Variants in AATF observed in about 807,000 individuals in gnomAD.
AATF encodes apoptosis antagonizing transcription factor, also known as protein AATF.
In AATF, 48 loss-of-function variants were observed where a neutral mutation model predicts 63.7. That is an observed-to-expected ratio of 0.75 (90% CI 0.60 to 0.96). The LOEUF (loss-of-function observed/expected upper bound fraction) is 0.96. AATF is among the 40% of genes least tolerant of loss of function. The probability of loss-of-function intolerance (pLI) is 0.00; values close to 1 mark genes in which losing one functional copy is unlikely to be tolerated. For synonymous variants in AATF, 258 were observed against 247.7 expected, an observed-to-expected ratio of 1.04 and a Z score of -0.39; for missense variants, 639 against 685.7, an observed-to-expected ratio of 0.93 and a Z score of 0.76.
chr17:37,017,987 GAAGA>G (rs768078642), intron 8 of AATF, among the ~76,000 whole-genome samples: 1 of 152,136 alleles, frequency 6.6e-6, no homozygotes, highest in Non-Finnish European at 1.5e-5. Flanking sequence ...TAATTTTTAT[GAAGA>G]AACAAGTTTT....
chr17:36,998,624 A>G (rs142105175), intron 8 of AATF: 2 of 152,354 alleles, frequency 1.3e-5, no homozygotes, highest in African/African-American at 4.8e-5. Flanking sequence ...ACAGTGGCTC[A>G]CATCTATGGT....
chr17:36,958,380 TG>T (rs1411867455), intron 4 of AATF, among the ~76,000 whole-genome samples: 4 of 152,144 alleles, frequency 2.6e-5, no homozygotes, highest in African/African-American at 9.7e-5. Context: ...TTGGCCAGGC[TG>T]GTCCTAAACT....
At chr17:36,982,879 ACTATTGGACTTTCTGT>A (rs1223674485) in intron 4 of AATF, among the ~76,000 whole-genome samples, 1 of 152,088 alleles carries the variant, frequency 6.6e-6, no homozygotes, top group East Asian at 1.9e-4. Context: ...CCTGGTAACT[ACTATTGGACTTTCTGT>A]CTCTATGAAT....
intron 8 of AATF, among the ~76,000 whole-genome samples, chr17:37,003,250 T>C (rs2071315836): frequency 6.6e-6 from 1 of 152,160 alleles, no homozygotes; most frequent in South Asian, 2.1e-4. Flanking sequence ...AGCAACTGGA[T>C]ATCCACATGC....
At chr17:36,979,108 G>A (rs2071101401) in intron 4 of AATF, among the ~76,000 whole-genome samples, 1 of 151,898 alleles carries the variant, frequency 6.6e-6, no homozygotes, top group Non-Finnish European at 1.5e-5. Flanking sequence ...TAGCAAGTCG[G>A]GCCTGAAATA....
At chr17:37,004,452 A>G (rs1306897586) in intron 8 of AATF, among the ~76,000 whole-genome samples, 1 of 152,162 alleles carries the variant, frequency 6.6e-6, no homozygotes, top group Non-Finnish European at 1.5e-5. Flanking sequence ...AGAGAGTTTT[A>G]AGATAGGAGA....
At chr17:37,046,744 C>G (rs1409037744) in intron 11 of AATF, among the ~76,000 whole-genome samples, 3 of 151,268 alleles carry the variant, frequency 2.0e-5, no homozygotes, top group African/African-American at 7.3e-5. Context: ...CACACACACA[C>G]ACACACACAC....
chr17:36,958,974 G>A (rs8067515), intron 4 of AATF, among the ~76,000 whole-genome samples: 5,778 of 151,438 alleles, frequency 0.038, 359 homozygotes, highest in African/African-American at 0.13. Flanking sequence ...ATGAAACCCC[G>A]TCTCTACTGA....
chr17:36,984,901 GT>G lies in AATF; in HGVS notation c.833-1698del, dbSNP rs34905004. Among the ~76,000 whole-genome samples, 706 of 130,044 alleles carry G rather than the reference GT, an allele frequency of 5.4e-3. 2 individuals carry two copies. The highest frequency in any genetic ancestry group is 0.017 in the African/African-American group (597 of 35,380). The allele number at this position is 130,044 out of a possible 152,430, so 85.3% of individuals were successfully genotyped here. On this transcript the variant is annotated intron_variant, in intron 4 of 11. Transcript: ENST00000619387. Reference sequence around the variant, plus strand: ...AATCATCCCGTCCTGGCCTCCCACAGTTTTTTTTTTTTTTTTTTGAGACAGA... The same window carrying G: ...AATCATCCCGTCCTGGCCTCCCACAGTTTTTTTTTTTTTTTTTGAGACAGA...
At position 36,988,761 on chromosome 17, in the gene AATF, G is replaced by A. The variant is rs367791507; in HGVS notation, c.1149+41G>A. On this transcript the variant is annotated intron_variant, in intron 6 of 11. Transcript: ENST00000619387. ...CGCGCATGTATGTGTAAGATAGGTTGTGGCAACTTGAAGAAGTTTTAAGAA... is the reference window on the plus strand; with the variant it reads ...CGCGCATGTATGTGTAAGATAGGTTATGGCAACTTGAAGAAGTTTTAAGAA... 1.5e-5 allele frequency: 24 copies of A among 1,581,098 alleles called. No individual in the cohort carries two copies. In the African/African-American group the frequency reaches 3.1e-4, roughly 21 times the overall value.
intron 10 of AATF, among the ~76,000 whole-genome samples, chr17:37,031,184 A>T (rs2071549065): frequency 6.7e-6 from 1 of 148,976 alleles, no homozygotes; most frequent in African/African-American, 2.6e-5. Context: ...TGGGGAAAGG[A>T]ATGTCTGTAC....
At chr17:36,957,741 C>T (rs1164960552) in intron 4 of AATF, among the ~76,000 whole-genome samples, 2 of 152,200 alleles carry the variant, frequency 1.3e-5, no homozygotes, top group East Asian at 1.9e-4. Context: ...AATTTCATTC[C>T]GTTTAGAATC....
intron 8 of AATF, among the ~76,000 whole-genome samples, chr17:37,001,288 C>T (rs1486421034): frequency 6.6e-6 from 1 of 150,664 alleles, no homozygotes; most frequent in Non-Finnish European, 1.5e-5. Context: ...GCACTGTACT[C>T]CAGCCTGGGC....
At chr17:37,024,057 A>G (rs1401370724) in intron 10 of AATF, among the ~76,000 whole-genome samples, 2 of 152,222 alleles carry the variant, frequency 1.3e-5, no homozygotes, top group African/African-American at 4.8e-5. Context: ...TATTCAATAT[A>G]GACACAATCA....
chr17:37,025,981 A>G (rs1341218392), intron 10 of AATF, among the ~76,000 whole-genome samples: 2 of 152,214 alleles, frequency 1.3e-5, no homozygotes, highest in Non-Finnish European at 2.9e-5. Flanking sequence ...ACCTTAACCA[A>G]GTGTTCAAGA....
In AATF at chr17:36,981,617, C is replaced by CTTCTTCT. The variant is rs1282817160; in HGVS notation, c.833-4987_833-4981dup. Among the ~76,000 whole-genome samples the CTTCTTCT allele has an allele frequency of 1.9e-4, 29 of 151,096 alleles. No homozygotes were observed. The South Asian group carries it at 2.7e-3, about 14-fold the overall frequency. On this transcript the variant is annotated intron_variant, in intron 4 of 11. Coordinates refer to ENST00000619387, the MANE Select transcript of AATF (RefSeq NM_012138.4). ...TGCCACCACGCCTGGCTGATTTCTT[C>CTTCTTCT]TTCTTCTTTCTTCTTTCTTTTTTCT...
intron 4 of AATF, among the ~76,000 whole-genome samples, chr17:36,972,373 G>C (rs1470296354): frequency 6.6e-6 from 1 of 152,176 alleles, no homozygotes; most frequent in Non-Finnish European, 1.5e-5. Context: ...TGAGATTCCA[G>C]GTTCTGGTTG....
Position 36,976,260 on chromosome 17 carries a change from T to A in AATF, c.833-10357T>A, listed in dbSNP as rs76741968. On this transcript the variant is annotated intron_variant, in intron 4 of 11. Coordinates refer to ENST00000619387, the MANE Select transcript of AATF (RefSeq NM_012138.4). ...ACTGTGCAATTGTTTTTTAAGCTTA[T>A]AGTAGTGTTTCAATTTCTGTATCTG... 4.5e-3 allele frequency among the ~76,000 whole-genome samples: 691 copies of A among 152,326 alleles called. 1 individual carries two copies. Among genetic ancestry groups the A allele is most frequent in the African/African-American group, 0.016 (653 of 41,588 alleles).
intron 4 of AATF, among the ~76,000 whole-genome samples, chr17:36,970,748 C>T (rs2071033105): frequency 6.6e-6 from 1 of 151,784 alleles, no homozygotes; most frequent in Non-Finnish European, 1.5e-5. Context: ...TGTTACGTTT[C>T]CCAGGCTGGT....
Sources: allele counts gnomAD v4.1 joint callset (sites outside exome capture counted in the v4.1 genomes callset), GRCh38; gene constraint gnomAD v4.1.1; transcripts MANE v1.5; gene names NCBI Gene and HGNC (gene_info 2026-07-23, HGNC 2026-07-21).